FAM81A: variants seen among roughly 807,000 people sequenced by gnomAD.
FAM81A encodes the protein protein FAM81A.
Under a neutral mutation model 46.7 loss-of-function variants are expected in FAM81A, and 19 were observed. That is an observed-to-expected ratio of 0.41 (90% CI 0.28 to 0.60). The LOEUF is 0.60. Ranked by LOEUF, FAM81A falls within the 20% of genes least tolerant of loss-of-function variation. The probability of loss-of-function intolerance (pLI) is 0.34; values close to 1 mark genes in which losing one functional copy is unlikely to be tolerated. For missense variants in FAM81A, 377 were observed against 453.5 expected (o/e 0.83, Z 1.53); for synonymous variants, 183 against 152.9 (o/e 1.20, Z -1.45).
intron 3 of FAM81A, among the ~76,000 whole-genome samples, chr15:59,461,308 T>C (rs2081548625): frequency 6.6e-6 from 1 of 151,914 alleles, no homozygotes; most frequent in South Asian, 2.1e-4. Flanking sequence ...TTCTTTCTTT[T>C]TGTTTGTTTG....
intron 2 of FAM81A, among the ~76,000 whole-genome samples, chr15:59,422,263 T>C (rs1380238503): frequency 6.6e-6 from 1 of 151,958 alleles, no homozygotes; most frequent in East Asian, 1.9e-4. Context: ...TGACACATGC[T>C]TGTAGTACCA....
chr15:59,404,469 T>C (rs2081085669), intron 2 of FAM81A, among the ~76,000 whole-genome samples: 1 of 151,230 alleles, frequency 6.6e-6, no homozygotes, highest in African/African-American at 2.4e-5. Context: ...ACATTCTTTG[T>C]TTTTTTTTAG....
intron 4 of FAM81A, among the ~76,000 whole-genome samples, chr15:59,505,021 A>C (rs921020532): frequency 3.4e-4 from 52 of 152,282 alleles, no homozygotes; most frequent in African/African-American, 1.2e-3. Flanking sequence ...TCACACCTCA[A>C]ATATTGCTTC....
intron 8 of FAM81A, 144 bp from the exon 9 acceptor site, chr15:59,521,110 C>A: frequency 1.1e-6 from 1 of 872,472 alleles, no homozygotes; most frequent in Non-Finnish European, 1.7e-6. Context: ...AGAAACTCAC[C>A]TGTTCCCCAT....
Position 59,521,485 on chromosome 15 carries a change from G to T in FAM81A, c.*107G>T. The T allele has an allele frequency of 7.6e-6, 10 of 1,318,256 alleles. No individual in the cohort carries two copies. The South Asian group carries it at 1.6e-4, about 21-fold the overall frequency. 81.7% of individuals were successfully genotyped at this position (1,318,256 alleles called of 1,614,324 possible). A position where few individuals can be genotyped will look rare whatever the true frequency, so the allele number is the denominator to read the frequency against. ...CATTCAGGATTGTTCCATCCATGGC[G>T]TGCATGTGCCAAGAAATGTGTTTTT... is the stretch of plus-strand genomic sequence containing the variant. On this transcript the variant is annotated 3_prime_UTR_variant, in exon 9 of 9. Transcript: ENST00000288228.
chr15:59,410,476 C>G (rs1372655569), intron 2 of FAM81A, among the ~76,000 whole-genome samples: 2 of 152,106 alleles, frequency 1.3e-5, no homozygotes, highest in African/African-American at 4.8e-5. Context: ...CTGTGCCTCC[C>G]ACACTCACCT....
At position 59,460,069 on chromosome 15, in the gene FAM81A, C is replaced by T. The variant is rs1410553409; in HGVS notation, c.157C>T (p.Arg53Trp). 1.2e-6 allele frequency: 2 copies of T among 1,613,756 alleles called. No individual in the cohort carries two copies. Among genetic ancestry groups the T allele is most frequent in the African/African-American group, 1.3e-5 (1 of 74,862 alleles). Residue 53 changes from arginine (R) to tryptophan (W), a missense_variant, in exon 3 of 9, where the codon CGG becomes TGG. Arg to Trp is a moderately radical substitution (Grantham distance 101). Transcript: ENST00000288228. The surrounding 1 kb of genome is among the most constrained non-coding windows in gnomAD (Gnocchi z 4.4). ...CGCCGCCCTCGTAGAGCACGCCTTT[C>T]GGATTAAAGATGACATTGTCAACAG... is the stretch of plus-strand genomic sequence containing the variant. Reference protein sequence around the residue: ...TTAALVEHAFRIKDDIVNSLQ... With the variant: ...TTAALVEHAFWIKDDIVNSLQ...
At chr15:59,424,274 A>G (rs1286551443) in intron 2 of FAM81A, among the ~76,000 whole-genome samples, 2 of 152,206 alleles carry the variant, frequency 1.3e-5, no homozygotes, top group African/African-American at 4.8e-5. Flanking sequence ...TCTTTCAACT[A>G]TGAAGGCTCT....
At chr15:59,492,176 G>C in intron 3 of FAM81A, 95 bp from the exon 4 acceptor site, 1 of 865,238 alleles carries the variant, frequency 1.2e-6, no homozygotes. Context: ...GAAAGACTGA[G>C]TTAAACATTC....
chr15:59,498,888 C>G (rs28678607), intron 4 of FAM81A, among the ~76,000 whole-genome samples: 49 of 152,302 alleles, frequency 3.2e-4, no homozygotes, highest in African/African-American at 1.2e-3. Flanking sequence ...CTCCTGACCT[C>G]AAGTGATCCA....
intron 2 of FAM81A, among the ~76,000 whole-genome samples, chr15:59,427,115 T>C (rs1247607312): frequency 1.3e-5 from 2 of 152,176 alleles, no homozygotes; most frequent in Non-Finnish European, 2.9e-5. Context: ...TTTATTTTAT[T>C]TTTTATTTTT....
intron 4 of FAM81A, among the ~76,000 whole-genome samples, chr15:59,506,120 A>C (rs1294378530): frequency 1.3e-5 from 2 of 152,094 alleles, no homozygotes; most frequent in Non-Finnish European, 2.9e-5. Flanking sequence ...CTGGTCATCA[A>C]GAACTCTTCT....
At chr15:59,406,391 T>C (rs1427337680) in intron 2 of FAM81A, among the ~76,000 whole-genome samples, 2 of 152,234 alleles carry the variant, frequency 1.3e-5, no homozygotes, top group Non-Finnish European at 2.9e-5. Context: ...TCAGTTCACA[T>C]GGTTTGCGAG....
At chr15:59,400,801 C>A (rs192985788) in intron 1 of FAM81A, among the ~76,000 whole-genome samples, 1 of 152,348 alleles carries the variant, frequency 6.6e-6, no homozygotes, top group East Asian at 1.9e-4. Flanking sequence ...TCCCAGTCTA[C>A]TAAAAATCCT....
intron 2 of FAM81A, among the ~76,000 whole-genome samples, chr15:59,403,740 A>G (rs2081081958): frequency 6.8e-6 from 1 of 147,538 alleles, no homozygotes; most frequent in South Asian, 2.2e-4. Flanking sequence ...ATTAGCATTC[A>G]TGGCACACAG....
chr15:59,480,321 G>A (rs181280807), intron 3 of FAM81A, among the ~76,000 whole-genome samples: 2 of 152,238 alleles, frequency 1.3e-5, no homozygotes, highest in Admixed American at 6.5e-5. Flanking sequence ...GGAGAAGGAG[G>A]AACATGGAGA....
At chr15:59,436,477 A>G (rs1596469315), upstream of FAM81A, among the ~76,000 whole-genome samples, 2 of 152,314 alleles carry the variant, frequency 1.3e-5, no homozygotes, top group East Asian at 3.9e-4. Flanking sequence ...AGGGGACGTT[A>G]TGTGTCCATC....
At chr15:59,444,358 T>C (rs1205940941) in intron 1 of FAM81A, 1 of 152,232 alleles carries the variant, frequency 6.6e-6, no homozygotes, top group South Asian at 2.1e-4. Context: ...CCGTGGATAA[T>C]TTGAGAAGGC....
At chr15:59,509,459 C>T (rs998221958) in intron 6 of FAM81A, among the ~76,000 whole-genome samples, 7 of 152,146 alleles carry the variant, frequency 4.6e-5, no homozygotes, top group African/African-American at 1.4e-4. Flanking sequence ...GGGGACTTTG[C>T]AGATGTGATT....
Sources: allele counts gnomAD v4.1 joint callset (sites outside exome capture counted in the v4.1 genomes callset), GRCh38; gene constraint gnomAD v4.1.1; non-coding constraint Gnocchi (gnomAD v3.1); transcripts MANE v1.5; gene names NCBI Gene and HGNC (gene_info 2026-07-23, HGNC 2026-07-21).